Variants in SOD2 observed in about 807,000 individuals in gnomAD.
The protein encoded by SOD2 is superoxide dismutase 2, also known as superoxide dismutase [Mn], mitochondrial.
Under a neutral mutation model 27.0 loss-of-function variants are expected in SOD2, and 11 were observed. That is an observed-to-expected ratio of 0.41 (90% CI 0.26 to 0.67). The LOEUF is 0.67. Ranked by LOEUF, SOD2 falls within the 30% of genes least tolerant of loss-of-function variation. The pLI is 0.34. For missense variants in SOD2, 250 were observed against 274.5 expected, an observed-to-expected ratio of 0.91 and a Z score of 0.63; for synonymous variants, 105 against 103.0, an observed-to-expected ratio of 1.02 and a Z score of -0.12.
rs1256321595 is a variant in SOD2, at chr6:159,679,613, T to G, written c.*2880A>C. ...ACAGATAGAATTTCAAAAACAGTAT[T>G]TGCTTTGCTTCCTTGTTTTGCTCCA... On this transcript the variant is annotated 3_prime_UTR_variant, in exon 5 of 5. Transcript: ENST00000538183. 2.0e-5 allele frequency: 3 copies of G among 152,246 alleles called. No homozygotes were observed. Among genetic ancestry groups the G allele is most frequent in the Non-Finnish European group, 4.4e-5 (3 of 68,040 alleles). The allele number at this position is 152,246 out of a possible 1,614,324, so 9.4% of individuals were successfully genotyped here.
At chr6:159,690,219 G>A (rs1254019617) in intron 2 of SOD2, among the ~76,000 whole-genome samples, 3 of 150,548 alleles carry the variant, frequency 2.0e-5, no homozygotes, top group African/African-American at 2.4e-5. Flanking sequence ...CCCAGGAGAC[G>A]GAGGTTGTAG....
upstream of SOD2, chr6:159,749,262 A>G (rs560560068): frequency 3.2e-5 from 32 of 985,802 alleles, no homozygotes; most frequent in Non-Finnish European, 3.4e-5. Flanking sequence ...GACTCACTGC[A>G]TTATTTTTTT....
chr6:159,715,870 A>C (rs1228172781), intron 1 of SOD2, among the ~76,000 whole-genome samples: 1 of 151,994 alleles, frequency 6.6e-6, no homozygotes, highest in African/African-American at 2.4e-5. Context: ...ACTGGTCTCC[A>C]GCCTGGGCAA....
chr6:159,719,402 C>T (rs1777986173), intron 1 of SOD2, among the ~76,000 whole-genome samples: 1 of 151,986 alleles, frequency 6.6e-6, no homozygotes, highest in African/African-American at 2.4e-5. Context: ...GTGGCATGTG[C>T]CTGTAATCCC....
upstream of SOD2, among the ~76,000 whole-genome samples, chr6:159,730,425 T>TTG (rs1309099996): frequency 6.6e-6 from 1 of 152,196 alleles, no homozygotes; most frequent in African/African-American, 2.4e-5. Context: ...ATTTAGGTTA[T>TTG]TGTGTTTGTC....
intron 1 of SOD2, among the ~76,000 whole-genome samples, chr6:159,702,409 G>A (rs1777537800): frequency 6.6e-6 from 1 of 151,170 alleles, no homozygotes; most frequent in Non-Finnish European, 1.5e-5. Flanking sequence ...TGATTCTTGT[G>A]CCTCAGCCTC....
At chr6:159,726,893 C>T (rs1315277242) in intron 1 of SOD2, 2 of 1,289,190 alleles carry the variant, frequency 1.6e-6, no homozygotes, top group East Asian at 5.5e-5. Context: ...GGCTCGCCGC[C>T]CACGGCCTCT....
In SOD2 at chr6:159,713,347, C is replaced by T. The variant is rs116783662; in HGVS notation, c.-116+13782G>A. The T allele has an allele frequency of 4.9e-3, 3,230 of 655,030 alleles. 80 individuals are homozygous for T. The African/African-American group carries it at 0.05, about 10-fold the overall frequency. 40.6% of individuals were successfully genotyped at this position (655,030 alleles called of 1,614,324 possible). Reference sequence around the variant, plus strand: ...CTCCTCTGCCAATGCTATTACACCTCAGCCAGCCCCTGGCCTATCACTGGG... The same window carrying T: ...CTCCTCTGCCAATGCTATTACACCTTAGCCAGCCCCTGGCCTATCACTGGG... On this transcript the variant is annotated intron_variant, in intron 1 of 2. Coordinates refer to the SOD2 transcript ENST00000401980.
At chr6:159,692,974 C>T in intron 1 of SOD2, 111 bp from the exon 2 acceptor site, 2 of 1,341,142 alleles carry the variant, frequency 1.5e-6, no homozygotes, top group Non-Finnish European at 2.0e-6. Flanking sequence ...CGCGTCCCCT[C>T]CCTGCGGATC....
In SOD2 at chr6:159,676,660, T is replaced by C. The variant is rs945694878; in HGVS notation, c.*5833A>G. 1.3e-5 allele frequency: 2 copies of C among 152,122 alleles called. No homozygotes were observed. The highest frequency in any genetic ancestry group is 2.9e-5 in the Non-Finnish European group (2 of 68,036). 9.4% of individuals were successfully genotyped at this position (152,122 alleles called of 1,614,324 possible). ...ATACCTAATGTAAATGACGAGTTAA[T>C]AGGTGCAGCACACCAACATGGCACA... is the stretch of plus-strand genomic sequence containing the variant. On this transcript the variant is annotated 3_prime_UTR_variant, in exon 5 of 5. Coordinates refer to ENST00000538183, the MANE Select transcript of SOD2 (RefSeq NM_000636.4).
intron 2 of SOD2, 188 bp downstream of exon 2, chr6:159,692,473 T>C: frequency 6.9e-7 from 1 of 1,442,312 alleles, no homozygotes; most frequent in Non-Finnish European, 9.1e-7. Flanking sequence ...TTCAAACCCA[T>C]CGAGGCACTC....
chr6:159,681,819 C>T lies in SOD2; in HGVS notation c.*674G>A, dbSNP rs1160497987. 1 of 152,210 alleles carries T rather than the reference C, an allele frequency of 6.6e-6. No homozygotes were observed. The highest frequency in any genetic ancestry group is 1.5e-5 in the Non-Finnish European group (1 of 68,048). The allele number at this position is 152,210 out of a possible 1,614,324, so 9.4% of individuals were successfully genotyped here. ...CTCAAGCATGAGCTGCCCAATTCTC[C>T]TTGCTTGGCGCCCTGCAAATAAACA... On this transcript the variant is annotated 3_prime_UTR_variant, in exon 5 of 5. Transcript: ENST00000538183.
chr6:159,697,615 C>T (rs1246131306), upstream of SOD2, among the ~76,000 whole-genome samples: 6 of 152,150 alleles, frequency 3.9e-5, no homozygotes, highest in Admixed American at 2.0e-4. Flanking sequence ...GGGCATGTGT[C>T]GCAGGTAATC....
Position 159,670,081 on chromosome 6 carries a change from C to T in SOD2, c.*12412G>A, listed in dbSNP as rs1351913955. 2.0e-5 allele frequency: 3 copies of T among 152,156 alleles called. No homozygotes were observed. The highest frequency in any genetic ancestry group is 6.5e-5 in the Admixed American group (1 of 15,270). 9.4% of individuals were successfully genotyped at this position (152,156 alleles called of 1,614,324 possible). ...GTAGACTCACACTGTAATCACAGCT[C>T]ACTGTAGACTCCAACTCATGACCTC... On this transcript the variant is annotated 3_prime_UTR_variant, in exon 5 of 5. Coordinates refer to ENST00000538183, the MANE Select transcript of SOD2 (RefSeq NM_000636.4).
At chr6:159,702,267 C>G (rs765665598) in intron 1 of SOD2, among the ~76,000 whole-genome samples, 3 of 151,670 alleles carry the variant, frequency 2.0e-5, no homozygotes, top group Non-Finnish European at 2.9e-5. Flanking sequence ...CCAGCCTGGG[C>G]AGCAAAGCAA....
At position 159,712,402 on chromosome 6, in the gene SOD2, AC is replaced by A. The variant is rs1562438691; in HGVS notation, c.-116+14726del. On this transcript the variant is annotated intron_variant, in intron 1 of 2. Coordinates refer to the SOD2 transcript ENST00000401980. ...AACCACCTCCATAACCACCACTCAC[AC>A]TGCTCTGATCACCATAACCACCTCC... Among the ~76,000 whole-genome samples, 9 of 93,766 alleles carry A rather than the reference AC, an allele frequency of 9.6e-5. 3 individuals are homozygous for A. Among genetic ancestry groups the A allele is most frequent in the Non-Finnish European group, 1.4e-4 (6 of 43,728 alleles). The allele number at this position is 93,766 out of a possible 152,430, so 61.5% of individuals were successfully genotyped here. A position where few individuals can be genotyped will look rare whatever the true frequency, so the allele number is the denominator to read the frequency against.
chr6:159,683,938 G>A (rs1780068897), intron 4 of SOD2, among the ~76,000 whole-genome samples: 1 of 152,214 alleles, frequency 6.6e-6, no homozygotes. Flanking sequence ...TGTTGTTGAT[G>A]TGAAGGTATC....
chr6:159,702,323 G>T (rs1161940904), intron 1 of SOD2, among the ~76,000 whole-genome samples: 1 of 150,036 alleles, frequency 6.7e-6, no homozygotes, highest in Non-Finnish European at 1.5e-5. Flanking sequence ...TTGAGACTGA[G>T]TCTCACTCTA....
chr6:159,702,280 C>A (rs1225526446), intron 1 of SOD2, among the ~76,000 whole-genome samples: 2 of 151,746 alleles, frequency 1.3e-5, no homozygotes, highest in Non-Finnish European at 2.9e-5. Context: ...CAAAGCAAGA[C>A]CCTGTCTGTA....
Sources: gnomAD v4.1 joint callset for allele counts (sites outside exome capture counted in the v4.1 genomes callset) on GRCh38, gnomAD v4.1.1 for gene constraint, MANE v1.5 for transcripts, NCBI Gene and HGNC (gene_info 2026-07-23, HGNC 2026-07-21) for gene names.